Variants in TUBGCP3 observed in about 807,000 individuals in gnomAD.
The protein encoded by TUBGCP3 is tubulin gamma complex component 3.
Under a neutral mutation model 123.1 loss-of-function variants are expected in TUBGCP3, and 50 were observed. The ratio of observed to expected loss-of-function variants is 0.41; its 90% CI spans 0.32 to 0.51. The LOEUF (loss-of-function observed/expected upper bound fraction) is 0.51. Among genes scored for constraint, TUBGCP3 ranks in the 20% least tolerant of loss-of-function variants. The probability of loss-of-function intolerance (pLI) is 0.36; values close to 1 mark genes in which losing one functional copy is unlikely to be tolerated. For missense variants in TUBGCP3, 882 were observed against 1,127.0 expected (o/e 0.78, Z 3.11); for synonymous variants, 405 against 413.9 (o/e 0.98, Z 0.26).
At chr13:112,567,924 T>C (rs1881083040) in intron 2 of TUBGCP3, among the ~76,000 whole-genome samples, 2 of 151,244 alleles carry the variant, frequency 1.3e-5, no homozygotes, top group African/African-American at 4.9e-5. Context: ...TAGAAAGTGT[T>C]ATTACTGAGA....
chr13:112,582,923 G>A (rs527905419), intron 1 of TUBGCP3, among the ~76,000 whole-genome samples: 1 of 152,328 alleles, frequency 6.6e-6, no homozygotes, highest in Admixed American at 6.5e-5. Flanking sequence ...GGATAGAGGT[G>A]AGAAGCCATC....
At chr13:112,493,932 T>TGG (rs1880340554) in intron 20 of TUBGCP3, among the ~76,000 whole-genome samples, 1 of 124,896 alleles carries the variant, frequency 8.0e-6, no homozygotes, top group Non-Finnish European at 1.7e-5. Flanking sequence ...TATGGGAACA[T>TGG]GGCCTGGTGT....
chr13:112,547,859 G>A lies in TUBGCP3; in HGVS notation c.1036-107C>T, dbSNP rs1021927812. ...AGAAAATGATTATACTCATAAAAAT[G>A]AAGCCAAAGTCCCCTTTAAAAAAAA... is the stretch of plus-strand genomic sequence containing the variant. On this transcript the variant is annotated intron_variant, in intron 9 of 21. Coordinates refer to ENST00000261965, the MANE Select transcript of TUBGCP3 (RefSeq NM_006322.6). 1.6e-5 allele frequency: 21 copies of A among 1,272,928 alleles called. No individual in the cohort carries two copies. The East Asian group carries it at 5.2e-4, about 32-fold the overall frequency. 78.9% of individuals were successfully genotyped at this position (1,272,928 alleles called of 1,614,324 possible).
At chr13:112,496,168 T>TA (rs1437898683) in intron 20 of TUBGCP3, among the ~76,000 whole-genome samples, 4 of 152,184 alleles carry the variant, frequency 2.6e-5, no homozygotes, top group Admixed American at 1.3e-4. Flanking sequence ...ACTGGAGATA[T>TA]ATTGATAAAA....
At chr13:112,575,506 C>G (rs1881740114) in intron 1 of TUBGCP3, among the ~76,000 whole-genome samples, 1 of 152,176 alleles carries the variant, frequency 6.6e-6, no homozygotes, top group Non-Finnish European at 1.5e-5. Flanking sequence ...ACAAATACAT[C>G]TGGAGACATC....
At chr13:112,564,049 T>C (rs1265277189) in intron 3 of TUBGCP3, among the ~76,000 whole-genome samples, 4 of 144,480 alleles carry the variant, frequency 2.8e-5, no homozygotes, top group African/African-American at 1.1e-4. Context: ...AAAATGGTTT[T>C]AAAAATGGAG....
At chr13:112,599,325 C>A in the TUBGCP3 span, among the ~76,000 whole-genome samples, 1 of 152,160 alleles carries the variant, frequency 6.6e-6, no homozygotes, top group Non-Finnish European at 1.5e-5. Context: ...TAAATGGGTC[C>A]TTACGCTCCA....
At chr13:112,558,648 CA>C (rs1476504393) in intron 4 of TUBGCP3, among the ~76,000 whole-genome samples, 4 of 152,206 alleles carry the variant, frequency 2.6e-5, no homozygotes, top group African/African-American at 9.7e-5. Flanking sequence ...ACTAAACACT[CA>C]CTCTGATCCA....
chr13:112,600,948 G>A, the TUBGCP3 span, among the ~76,000 whole-genome samples: 1 of 152,054 alleles, frequency 6.6e-6, no homozygotes, highest in African/African-American at 2.4e-5. Flanking sequence ...AGCACTTTGA[G>A]AGGCCAAGGC....
At chr13:112,558,791 T>C (rs1420852188) in intron 4 of TUBGCP3, among the ~76,000 whole-genome samples, 1 of 152,194 alleles carries the variant, frequency 6.6e-6, no homozygotes, top group Non-Finnish European at 1.5e-5. Context: ...CCTTTAGCAA[T>C]AGACAGAACT....
chr13:112,510,554 C>T (rs1446720572), intron 17 of TUBGCP3, among the ~76,000 whole-genome samples: 1 of 152,182 alleles, frequency 6.6e-6, no homozygotes. Flanking sequence ...CTTACATCAT[C>T]GGCATTCCTG....
intron 1 of TUBGCP3, among the ~76,000 whole-genome samples, chr13:112,569,876 T>C (rs1180262069): frequency 6.6e-6 from 1 of 151,980 alleles, no homozygotes; most frequent in Non-Finnish European, 1.5e-5. Flanking sequence ...GGTAACTGAT[T>C]CAAGAGGACA....
At chr13:112,497,654 A>T (rs975030710) in intron 20 of TUBGCP3, among the ~76,000 whole-genome samples, 2 of 152,224 alleles carry the variant, frequency 1.3e-5, no homozygotes, top group South Asian at 2.1e-4. Context: ...TGAGTGCCTT[A>T]CAGAAACCTC....
At position 112,499,068 on chromosome 13, in the gene TUBGCP3, T is replaced by G. The variant is rs780015994; in HGVS notation, c.2425A>C (p.Lys809Gln). Reference protein sequence around the residue: ...ELQRRLQFEEKKKQREIEGQW... With the variant: ...ELQRRLQFEEQKKQREIEGQW... ...ACCTCAATTTCACGCTGTTTCTTTT[T>G]CTCTTCAAACTGTAATCGTCTCTGC... Residue 809 changes from lysine (K) to glutamine (Q), a missense_variant, in exon 20 of 22, where the codon AAA becomes CAA. By Grantham distance (53) the Lys-to-Gln change is moderately conservative. Around this residue, in one of 3 missense-constraint regions of TUBGCP3, gnomAD observed 160 missense variants for 220.3 expected, o/e 0.73. Coordinates refer to ENST00000261965, the MANE Select transcript of TUBGCP3 (RefSeq NM_006322.6). 26 of 1,614,106 alleles carry G rather than the reference T, an allele frequency of 1.6e-5. No individual in the cohort carries two copies. Among genetic ancestry groups the G allele is most frequent in the Non-Finnish European group, 1.9e-5 (22 of 1,180,044 alleles).
In TUBGCP3 at chr13:112,522,517, G is replaced by T; in HGVS notation, c.1556-8C>A. 1 of 1,606,030 alleles carries T rather than the reference G, an allele frequency of 6.2e-7. No homozygotes were observed. The highest frequency in any genetic ancestry group is 8.5e-7 in the Non-Finnish European group (1 of 1,173,502). On this transcript the variant is annotated splice_polypyrimidine_tract_variant and splice_region_variant and intron_variant, in intron 13 of 21. Coordinates refer to ENST00000261965, the MANE Select transcript of TUBGCP3 (RefSeq NM_006322.6). ...CTGTGAATAGGTCTGCAGCTGTAAA[G>T]AACAACAGGGAAGAGCACACATGCA...
chr13:112,546,468 G>T (rs1474657167), intron 10 of TUBGCP3: 3 of 152,642 alleles, frequency 2.0e-5, no homozygotes, highest in Admixed American at 2.0e-4. Context: ...AGAAGCACAT[G>T]AAGAGTTCTT....
rs958175269 is a variant in TUBGCP3 at position 112,548,262 on chromosome 13, T to G, written c.967-86A>C. On this transcript the variant is annotated intron_variant, in intron 8 of 21. Coordinates refer to ENST00000261965, the MANE Select transcript of TUBGCP3 (RefSeq NM_006322.6). ...AGTGGAAAGGTATAATGCGTTTAGA[T>G]AAAGTTCAGGTGGGGTGCTACAAGA... 3.8e-6 allele frequency: 4 copies of G among 1,054,882 alleles called. No individual in the cohort carries two copies. The African/African-American group carries it at 4.7e-5, about 13-fold the overall frequency. 65.3% of individuals were successfully genotyped at this position (1,054,882 alleles called of 1,614,324 possible).
intron 1 of TUBGCP3, among the ~76,000 whole-genome samples, chr13:112,573,365 G>A (rs534396431): frequency 6.6e-6 from 1 of 151,970 alleles, no homozygotes; most frequent in African/African-American, 2.4e-5. Context: ...TGGAAATTAC[G>A]ACAGCCAAGA....
chr13:112,547,270 A>C, intron 10 of TUBGCP3: 3 of 398,278 alleles, frequency 7.5e-6, no homozygotes, highest in Non-Finnish European at 1.3e-5. Flanking sequence ...ACAAGAGAGA[A>C]ATCTTTAAAC....
Sources: allele counts gnomAD v4.1 joint callset (sites outside exome capture counted in the v4.1 genomes callset), GRCh38; gene constraint gnomAD v4.1.1; regional missense constraint gnomAD v4.1.1; transcripts MANE v1.5; gene names NCBI Gene and HGNC (gene_info 2026-07-23, HGNC 2026-07-21).